CALN1: variants seen among roughly 807,000 people sequenced by gnomAD.
CALN1 encodes calcium-binding protein 8.
A neutral mutation model predicts 30.6 loss-of-function variants in CALN1; 17 were observed. The ratio of observed to expected loss-of-function variants is 0.56; its 90% confidence interval spans 0.38 to 0.83. The LOEUF is 0.83. Ranked by LOEUF, CALN1 falls within the 40% of genes least tolerant of loss-of-function variation. The pLI is 0.00. For missense variants in CALN1, 291 were observed against 354.9 expected (o/e 0.82, Z 1.45); for synonymous variants, 156 against 131.4 (o/e 1.19, Z -1.28).
At chr7:71,802,611 C>T (rs1562792416) in intron 6 of CALN1, among the ~76,000 whole-genome samples, 2 of 152,118 alleles carry the variant, frequency 1.3e-5, no homozygotes, top group African/African-American at 2.4e-5. Flanking sequence ...TACAGGCATG[C>T]GCCACCATGC....
chr7:71,886,450 C>T (rs1792913884), intron 5 of CALN1, among the ~76,000 whole-genome samples: 1 of 152,230 alleles, frequency 6.6e-6, no homozygotes, highest in Admixed American at 6.5e-5. Context: ...TGTGCTCTTT[C>T]ATTCATGCAA....
At chr7:72,075,371 A>G (rs1442293301) in intron 4 of CALN1, among the ~76,000 whole-genome samples, 1 of 152,218 alleles carries the variant, frequency 6.6e-6, no homozygotes, top group Non-Finnish European at 1.5e-5. Context: ...CACCTCAAGC[A>G]GGAATAAAGA....
At chr7:72,099,631 A>G (rs1806501036) in intron 4 of CALN1, among the ~76,000 whole-genome samples, 1 of 152,064 alleles carries the variant, frequency 6.6e-6, no homozygotes, top group African/African-American at 2.4e-5. Context: ...GGCATTTTTC[A>G]TTTAGCTCTT....
At chr7:72,329,192 T>A (rs1801491146) in intron 2 of CALN1, among the ~76,000 whole-genome samples, 1 of 152,252 alleles carries the variant, frequency 6.6e-6, no homozygotes, top group African/African-American at 2.4e-5. Context: ...TTTGTTTGTA[T>A]CCACACTTAA....
chr7:72,011,747 T>C lies in CALN1; in HGVS notation c.501+11910A>G, dbSNP rs184499581. 2.9e-3 allele frequency among the ~76,000 whole-genome samples: 439 copies of C among 152,238 alleles called. 2 individuals are homozygous for C. The highest frequency in any genetic ancestry group is 0.01 in the African/African-American group (427 of 41,550). On this transcript the variant is annotated intron_variant, in intron 5 of 6. Coordinates refer to ENST00000395275, the MANE Select transcript of CALN1 (RefSeq NM_031468.4). ...CTGGAGTGCAGTGGCACGATCCTAG[T>C]GATCCTCCCACCTCAGCCTCCCAAG...
the CALN1 span, among the ~76,000 whole-genome samples, chr7:72,499,879 T>C: frequency 0.077 from 6,002 of 78,002 alleles, 1,047 homozygotes; most frequent in African/African-American, 0.12. Flanking sequence ...CTTTCTTTCT[T>C]TCTTTCTTTC....
chr7:72,200,776 G>C (rs914581073), intron 3 of CALN1, among the ~76,000 whole-genome samples: 2 of 152,214 alleles, frequency 1.3e-5, no homozygotes, highest in Non-Finnish European at 2.9e-5. Flanking sequence ...GGAAGAACCA[G>C]ACAGTGGGAA....
At chr7:72,082,390 G>C (rs1412483125) in intron 4 of CALN1, among the ~76,000 whole-genome samples, 1 of 152,186 alleles carries the variant, frequency 6.6e-6, no homozygotes, top group Non-Finnish European at 1.5e-5. Context: ...CCTTAACTGG[G>C]TGCAGGCAGT....
At chr7:72,330,604 G>T (rs1357416459) in intron 2 of CALN1, among the ~76,000 whole-genome samples, 1 of 151,982 alleles carries the variant, frequency 6.6e-6, no homozygotes. Flanking sequence ...GACTATAAGG[G>T]TACCATCTCT....
the CALN1 span, among the ~76,000 whole-genome samples, chr7:72,475,062 G>A: frequency 6.6e-6 from 1 of 152,186 alleles, no homozygotes; most frequent in Non-Finnish European, 1.5e-5. Flanking sequence ...CAATGACTGG[G>A]TTCTTAACAT....
intron 2 of CALN1, among the ~76,000 whole-genome samples, chr7:72,316,163 G>GAA (rs58358512): frequency 1.3e-5 from 2 of 150,380 alleles, no homozygotes; most frequent in Non-Finnish European, 2.9e-5. Context: ...AAGAAAGAAA[G>GAA]AAAAAAAAGA....
At chr7:72,167,239 T>C (rs1788591116) in intron 3 of CALN1, among the ~76,000 whole-genome samples, 1 of 152,208 alleles carries the variant, frequency 6.6e-6, no homozygotes, top group Non-Finnish European at 1.5e-5. Context: ...AGTAGGCATG[T>C]TGGGTCAACC....
Position 71,786,793 on chromosome 7 carries a change from T to C in CALN1, c.*982A>G, listed in dbSNP as rs1196483094. ...CGTGGTGGGTCTCCATGACTCCAGA[T>C]GGCTGGGTGTGGGTATCAAAACCTC... is the stretch of plus-strand genomic sequence containing the variant. On this transcript the variant is annotated 3_prime_UTR_variant, in exon 7 of 7. Coordinates refer to ENST00000395275, the MANE Select transcript of CALN1 (RefSeq NM_031468.4). The C allele has an allele frequency of 6.6e-6, 1 of 152,172 alleles. No individual in the cohort carries two copies. Among genetic ancestry groups the C allele is most frequent in the Admixed American group, 6.5e-5 (1 of 15,274 alleles). The allele number at this position is 152,172 out of a possible 1,614,324, so 9.4% of individuals were successfully genotyped here.
chr7:71,936,146 T>G (rs1402196596), intron 5 of CALN1, among the ~76,000 whole-genome samples: 1 of 152,140 alleles, frequency 6.6e-6, no homozygotes, highest in Non-Finnish European at 1.5e-5. Context: ...AAGTTTGATT[T>G]CATAATAAAC....
chr7:72,225,466 G>C (rs1793604268), intron 3 of CALN1, among the ~76,000 whole-genome samples: 2 of 152,024 alleles, frequency 1.3e-5, no homozygotes, highest in Admixed American at 1.3e-4. Context: ...CCGCCGTGTT[G>C]GTCAAGCTTC....
chr7:72,398,467 A>G (rs1423016360), intron 2 of CALN1, among the ~76,000 whole-genome samples: 1 of 152,250 alleles, frequency 6.6e-6, no homozygotes. Flanking sequence ...TTTAGATCAC[A>G]TATCAATAGT....
chr7:72,359,747 G>A (rs987840779), intron 2 of CALN1, among the ~76,000 whole-genome samples: 6 of 151,952 alleles, frequency 3.9e-5, no homozygotes, highest in Admixed American at 6.6e-5. Context: ...AGGCTGAGGC[G>A]AGAGGATCAC....
At chr7:72,448,781 A>G (rs1370899248), upstream of CALN1, among the ~76,000 whole-genome samples, 1 of 151,568 alleles carries the variant, frequency 6.6e-6, no homozygotes, top group South Asian at 2.1e-4. Context: ...AATTTTTTGT[A>G]TTTTTAGTAG....
intron 2 of CALN1, among the ~76,000 whole-genome samples, chr7:72,299,075 C>G (rs1036217028): frequency 1.5e-4 from 23 of 152,152 alleles, no homozygotes; most frequent in Non-Finnish European, 3.1e-4. Flanking sequence ...GAAGGTACCA[C>G]AGTACCTCCC....
Sources: gnomAD v4.1 joint callset for allele counts (sites outside exome capture counted in the v4.1 genomes callset) on GRCh38, gnomAD v4.1.1 for gene constraint, MANE v1.5 for transcripts, NCBI Gene and HGNC (gene_info 2026-07-23, HGNC 2026-07-21) for gene names.